TPD52: variants seen among roughly 807,000 people sequenced by gnomAD.
TPD52 encodes the protein prostate and colon associated protein.
Under a neutral mutation model 31.3 loss-of-function variants are expected in TPD52, and 17 were observed. The observed-to-expected ratio is 0.54, with a 90% CI of 0.37 to 0.82. The LOEUF (loss-of-function observed/expected upper bound fraction) is 0.82. Among genes scored for constraint, TPD52 ranks in the 40% least tolerant of loss-of-function variants. TPD52 has a pLI of 0.00. For missense variants in TPD52, 212 were observed against 240.1 expected, an observed-to-expected ratio of 0.88 and a Z score of 0.77; for synonymous variants, 83 against 89.6, an observed-to-expected ratio of 0.93 and a Z score of 0.42.
intron 1 of TPD52, among the ~76,000 whole-genome samples, chr8:80,155,110 G>C (rs1810868812): frequency 6.6e-6 from 1 of 151,538 alleles, no homozygotes; most frequent in South Asian, 2.1e-4. Flanking sequence ...CGATCCTCCT[G>C]CCTCAGCCTC....
intron 5 of TPD52, among the ~76,000 whole-genome samples, chr8:80,044,543 G>T (rs1810663629): frequency 6.6e-6 from 1 of 152,042 alleles, no homozygotes; most frequent in Non-Finnish European, 1.5e-5. Flanking sequence ...TAGAACTTGG[G>T]TCTAATTCAG....
At chr8:80,066,243 A>C (rs1813137443) in intron 1 of TPD52, among the ~76,000 whole-genome samples, 2 of 152,224 alleles carry the variant, frequency 1.3e-5, no homozygotes, top group South Asian at 4.1e-4. Context: ...ACAAGTTACA[A>C]AGGCACTTGG....
At chr8:80,050,524 A>T in intron 4 of TPD52, 53 bp from the exon 5 acceptor site, 1 of 1,537,974 alleles carries the variant, frequency 6.5e-7, no homozygotes, top group Non-Finnish European at 8.8e-7. Flanking sequence ...GATAAATCTA[A>T]AACAATTAAA....
intron 4 of TPD52, 96 bp downstream of exon 4, chr8:80,051,431 G>A: frequency 8.7e-7 from 1 of 1,151,408 alleles, no homozygotes; most frequent in Non-Finnish European, 1.3e-6. Context: ...GGAGTAGCTA[G>A]CATCAACTAG....
At chr8:80,044,547 A>C (rs1250252140) in intron 5 of TPD52, among the ~76,000 whole-genome samples, 1 of 152,084 alleles carries the variant, frequency 6.6e-6, no homozygotes, top group East Asian at 1.9e-4. Context: ...ACTTGGGTCT[A>C]ATTCAGTGTT....
chr8:80,099,802 C>T (rs1245587118), intron 1 of TPD52, among the ~76,000 whole-genome samples: 2 of 152,196 alleles, frequency 1.3e-5, no homozygotes, highest in African/African-American at 2.4e-5. Flanking sequence ...TAAGCCAGCG[C>T]GCCCAGCTGG....
intron 2 of TPD52, among the ~76,000 whole-genome samples, chr8:80,056,833 C>T (rs1042514521): frequency 6.6e-6 from 1 of 152,120 alleles, no homozygotes; most frequent in Admixed American, 6.6e-5. Flanking sequence ...TACCATATGA[C>T]CCAGCAACTC....
chr8:80,032,412 A>G (rs1185292856), downstream of TPD52, among the ~76,000 whole-genome samples: 2 of 152,098 alleles, frequency 1.3e-5, no homozygotes, highest in Admixed American at 1.3e-4. Context: ...TTGCTTTATT[A>G]AATACAGGCC....
At chr8:80,073,323 C>G (rs1273660329) in intron 1 of TPD52, among the ~76,000 whole-genome samples, 1 of 152,168 alleles carries the variant, frequency 6.6e-6, no homozygotes, top group Non-Finnish European at 1.5e-5. Flanking sequence ...CTAAAACACA[C>G]TATTTTTCGT....
chr8:80,167,544 C>T (rs1549463), intron 1 of TPD52, among the ~76,000 whole-genome samples: 1 of 151,988 alleles, frequency 6.6e-6, no homozygotes, highest in African/African-American at 2.4e-5. Context: ...ATGGAAATCA[C>T]GAAACTGTTG....
chr8:80,077,845 CT>C (rs1169519162), intron 1 of TPD52, among the ~76,000 whole-genome samples: 24 of 152,202 alleles, frequency 1.6e-4, no homozygotes, highest in African/African-American at 5.1e-4. Context: ...ACAAACAAAG[CT>C]TATGTTCCAG....
chr8:80,166,092 A>C (rs1811691025), intron 1 of TPD52, among the ~76,000 whole-genome samples: 1 of 152,056 alleles, frequency 6.6e-6, no homozygotes, highest in Admixed American at 6.5e-5. Context: ...CTGAGGCGGG[A>C]GGATCACTTG....
At chr8:80,032,079 G>A (rs770089432), downstream of TPD52, among the ~76,000 whole-genome samples, 49 of 150,514 alleles carry the variant, frequency 3.3e-4, no homozygotes, top group Admixed American at 8.6e-4. Flanking sequence ...CTTGAACCCA[G>A]GAGGTGGAGG....
intron 1 of TPD52, among the ~76,000 whole-genome samples, chr8:80,156,724 T>C (rs1197771429): frequency 6.6e-6 from 1 of 152,098 alleles, no homozygotes; most frequent in Non-Finnish European, 1.5e-5. Context: ...AGGTACGAAT[T>C]AAGAAATGCA....
intron 7 of TPD52, among the ~76,000 whole-genome samples, chr8:80,040,016 T>C (rs1810222423): frequency 1.3e-5 from 2 of 152,030 alleles, no homozygotes; most frequent in South Asian, 4.1e-4. Context: ...TAATACTGAT[T>C]GACTGGCACA....
chr8:80,068,934 G>A (rs1813455709), intron 1 of TPD52, among the ~76,000 whole-genome samples: 1 of 152,190 alleles, frequency 6.6e-6, no homozygotes, highest in South Asian at 2.1e-4. Flanking sequence ...CTTAGAAAAT[G>A]CCAGGTCCGG....
chr8:80,055,139 T>C (rs1337969950), intron 2 of TPD52, among the ~76,000 whole-genome samples: 2 of 152,278 alleles, frequency 1.3e-5, no homozygotes, highest in East Asian at 3.9e-4. Context: ...CTTCTAAGAA[T>C]AGACTTAAAT....
intron 1 of TPD52, among the ~76,000 whole-genome samples, chr8:80,097,522 A>T (rs1806420612): frequency 6.6e-6 from 1 of 152,124 alleles, no homozygotes; most frequent in African/African-American, 2.4e-5. Flanking sequence ...GTGAGTTCTC[A>T]AGAGATCTGA....
At chr8:80,051,281 A>G in intron 4 of TPD52, 1 of 525,418 alleles carries the variant, frequency 1.9e-6, no homozygotes, top group East Asian at 3.4e-5. Context: ...CTAAAAAGAC[A>G]AAGAAGTTCA....
Sources: gnomAD v4.1 joint callset for allele counts (sites outside exome capture counted in the v4.1 genomes callset) on GRCh38, gnomAD v4.1.1 for gene constraint, MANE v1.5 for transcripts, NCBI Gene and HGNC (gene_info 2026-07-23, HGNC 2026-07-21) for gene names.